CDC42SE2: variants seen among roughly 807,000 people sequenced by gnomAD.
CDC42SE2 encodes CDC42 small effector 2.
In CDC42SE2, 3 loss-of-function variants were observed where a neutral mutation model predicts 11.5. The observed-to-expected ratio is 0.26, with a 90% CI of 0.12 to 0.67. The LOEUF is 0.67. Among genes scored for constraint, CDC42SE2 ranks in the 30% least tolerant of loss-of-function variants. The probability of loss-of-function intolerance (pLI) is 0.80; values close to 1 mark genes in which losing one functional copy is unlikely to be tolerated. For missense variants in CDC42SE2, 82 were observed against 106.8 expected, an observed-to-expected ratio of 0.77 and a Z score of 1.02; for synonymous variants, 33 against 34.8, an observed-to-expected ratio of 0.95 and a Z score of 0.18.
At position 131,245,560 on chromosome 5, in the gene CDC42SE2, G is replaced by C. The variant is rs189659426; in HGVS notation, n.68G>C. ...TTCTGAAGGCTGATAGAAGTTAACA[G>C]TGTTTGGTGGCTTACCATGGTTCAC... is the stretch of plus-strand genomic sequence containing the variant. On this transcript the variant is annotated non_coding_transcript_exon_variant, in exon 1 of 4. Transcript: ENST00000502840. 5.9e-5 allele frequency: 9 copies of C among 152,350 alleles called. No individual in the cohort carries two copies. In the East Asian group the frequency reaches 1.5e-3, roughly 26 times the overall value. The allele number at this position is 152,350 out of a possible 1,614,324, so 9.4% of individuals were successfully genotyped here.
intron 1 of CDC42SE2, among the ~76,000 whole-genome samples, chr5:131,247,601 G>A (rs936405410): frequency 4.6e-5 from 7 of 151,718 alleles, no homozygotes; most frequent in Non-Finnish European, 7.4e-5. Context: ...CCTTGATGAC[G>A]CAGCAAGACT....
rs575757637 is a variant in CDC42SE2, at chr5:131,378,628, C to T, written c.55-6915C>T. 2.1e-3 allele frequency among the ~76,000 whole-genome samples: 316 copies of T among 152,190 alleles called. 2 individuals are homozygous for T. Among genetic ancestry groups the T allele is most frequent in the African/African-American group, 7.4e-3 (307 of 41,510 alleles). ...CAAACAACTTAGTAAAGATTTATGT[C>T]CCAACAACTTATTTGCCTTTAAAAA... On this transcript the variant is annotated intron_variant, in intron 3 of 4. Transcript: ENST00000505065.
chr5:131,268,822 C>G (rs1407385202), intron 1 of CDC42SE2, among the ~76,000 whole-genome samples: 1 of 140,728 alleles, frequency 7.1e-6, no homozygotes, highest in Non-Finnish European at 1.5e-5. Context: ...CCCATCTCGG[C>G]TTACTGCAAC....
the CDC42SE2 span, among the ~76,000 whole-genome samples, chr5:131,239,333 A>G: frequency 6.6e-6 from 1 of 151,902 alleles, no homozygotes; most frequent in South Asian, 2.1e-4. Context: ...GCTACTCAGG[A>G]GGCTAAGATG....
chr5:131,384,768 A>G (rs1003380092), intron 3 of CDC42SE2, among the ~76,000 whole-genome samples: 3 of 152,050 alleles, frequency 2.0e-5, no homozygotes, highest in Non-Finnish European at 4.4e-5. Flanking sequence ...TCAGCACCCC[A>G]TGAGAAGTGC....
the CDC42SE2 span, among the ~76,000 whole-genome samples, chr5:131,218,034 G>C: frequency 6.6e-6 from 1 of 152,060 alleles, no homozygotes; most frequent in South Asian, 2.1e-4. Flanking sequence ...AATTAGCCAA[G>C]GCAGGGTGGT....
Position 131,392,922 on chromosome 5 carries a change from C to A in CDC42SE2, c.*1831C>A, listed in dbSNP as rs1040248049. On this transcript the variant is annotated 3_prime_UTR_variant, in exon 5 of 5. Coordinates refer to ENST00000505065, the MANE Select transcript of CDC42SE2 (RefSeq NM_001375635.1). ...TTGCCAAGAGCAACATACATACCGA[C>A]CTGGCTGAATTATTGCCAGTGAAAA... The A allele has an allele frequency of 5.3e-5, 8 of 152,348 alleles. No homozygotes were observed. The highest frequency in any genetic ancestry group is 1.7e-4 in the African/African-American group (7 of 41,446). 9.4% of individuals were successfully genotyped at this position (152,348 alleles called of 1,614,324 possible).
chr5:131,267,652 T>G (rs951243082), intron 1 of CDC42SE2, among the ~76,000 whole-genome samples: 4 of 152,184 alleles, frequency 2.6e-5, no homozygotes, highest in Non-Finnish European at 5.9e-5. Flanking sequence ...GCAGCTGTGC[T>G]CATATTTGCC....
chr5:131,334,763 A>G (rs966554446), intron 2 of CDC42SE2, among the ~76,000 whole-genome samples: 1 of 152,130 alleles, frequency 6.6e-6, no homozygotes, highest in Non-Finnish European at 1.5e-5. Context: ...AGAGGTGTTT[A>G]TAGTATTCTC....
intron 3 of CDC42SE2, among the ~76,000 whole-genome samples, chr5:131,384,913 CAAA>C (rs34252680): frequency 1.4e-5 from 1 of 72,070 alleles, no homozygotes. Context: ...GACTCCATCT[CAAA>C]AAAAAAAAAA....
At chr5:131,270,576 G>A (rs944320247) in intron 1 of CDC42SE2, among the ~76,000 whole-genome samples, 1 of 152,158 alleles carries the variant, frequency 6.6e-6, no homozygotes, top group Non-Finnish European at 1.5e-5. Flanking sequence ...AACTTGGTAA[G>A]GTTTAAGCAA....
intron 1 of CDC42SE2, among the ~76,000 whole-genome samples, chr5:131,268,624 G>A (rs1189702826): frequency 6.6e-6 from 1 of 151,074 alleles, no homozygotes; most frequent in African/African-American, 2.4e-5. Flanking sequence ...GGCTAATTTT[G>A]TATTTTTAGT....
At chr5:131,328,871 G>T (rs538096327) in intron 2 of CDC42SE2, among the ~76,000 whole-genome samples, 3 of 152,340 alleles carry the variant, frequency 2.0e-5, no homozygotes, top group East Asian at 1.9e-4. Context: ...GTCAAGTTCT[G>T]TTGGCTGCTA....
At chr5:131,389,413 T>C (rs767829466) in intron 4 of CDC42SE2, among the ~76,000 whole-genome samples, 19 of 152,226 alleles carry the variant, frequency 1.2e-4, no homozygotes, top group Non-Finnish European at 2.4e-4. Context: ...CTGACTATTA[T>C]AGCAATACCT....
chr5:131,270,287 A>AT (rs1756966268), intron 1 of CDC42SE2, among the ~76,000 whole-genome samples: 2 of 151,942 alleles, frequency 1.3e-5, no homozygotes, highest in East Asian at 3.9e-4. Flanking sequence ...AGGCAGGAGA[A>AT]TGGCATGGAC....
chr5:131,345,482 A>G (rs928311950), intron 2 of CDC42SE2, among the ~76,000 whole-genome samples: 5 of 152,220 alleles, frequency 3.3e-5, no homozygotes, highest in African/African-American at 1.2e-4. Context: ...AAAGCCTCCA[A>G]GAAATATGGG....
Position 131,364,933 on chromosome 5 carries a change from C to T in CDC42SE2, c.54+5386C>T, listed in dbSNP as rs990003319. On this transcript the variant is annotated intron_variant, in intron 3 of 4. Coordinates refer to ENST00000505065, the MANE Select transcript of CDC42SE2 (RefSeq NM_001375635.1). The stretch of plus-strand genomic sequence containing the variant: ...ACTTCAAGGGAAGTGGTTGAGGAAA[C>T]GGAGTGGGGATGGATCAGTTAGACA... 6.6e-5 allele frequency among the ~76,000 whole-genome samples: 10 copies of T among 152,214 alleles called. No homozygotes were observed. In the East Asian group the frequency reaches 7.7e-4, roughly 12 times the overall value.
At chr5:131,384,863 C>T (rs1750431135) in intron 3 of CDC42SE2, among the ~76,000 whole-genome samples, 1 of 140,082 alleles carries the variant, frequency 7.1e-6, no homozygotes, top group Admixed American at 7.9e-5. Flanking sequence ...GCGAGGATTG[C>T]TTGAGCCCAG....
At chr5:131,321,695 G>A (rs1758190681) in intron 2 of CDC42SE2, among the ~76,000 whole-genome samples, 1 of 152,088 alleles carries the variant, frequency 6.6e-6, no homozygotes, top group African/African-American at 2.4e-5. Flanking sequence ...GTAGGATAAT[G>A]GTGGGAAACT....
Sources: gnomAD v4.1 joint callset for allele counts (sites outside exome capture counted in the v4.1 genomes callset) on GRCh38, gnomAD v4.1.1 for gene constraint, MANE v1.5 for transcripts, NCBI Gene and HGNC (gene_info 2026-07-23, HGNC 2026-07-21) for gene names.